The following BMPR1B variants were observed in gnomAD, a reference collection of about 807,000 sequenced individuals.
BMPR1B encodes bone morphogenetic protein receptor type-1B.
In BMPR1B, 12 loss-of-function variants were observed where a neutral mutation model predicts 59.1. That is an observed-to-expected ratio of 0.20 (90% CI 0.13 to 0.33). The LOEUF (loss-of-function observed/expected upper bound fraction) is 0.33. Among genes scored for constraint, BMPR1B ranks in the 10% least tolerant of loss-of-function variants. The pLI is 1.00. For synonymous variants in BMPR1B, 237 were observed against 207.3 expected (o/e 1.14, Z -1.23); for missense variants, 550 against 610.9 (o/e 0.90, Z 1.05).
At chr4:95,056,913 T>C (rs1225368397) in intron 3 of BMPR1B, among the ~76,000 whole-genome samples, 6 of 152,268 alleles carry the variant, frequency 3.9e-5, no homozygotes, top group Non-Finnish European at 1.5e-5. Flanking sequence ...TGCATTTGCA[T>C]AAGTGCCATT....
rs781359356 is a variant in BMPR1B, at chr4:95,148,874, T to C, written c.1203T>C (p.Tyr401=). The change falls in exon 11 of 13, where the codon TAT becomes TAC. Residue 401 remains tyrosine, a synonymous_variant. Coordinates refer to ENST00000515059, the MANE Select transcript of BMPR1B (RefSeq NM_001203.3). ...HFQSYIMADM[Y]SFGLILWEVA... ...AGTCTTACATCATGGCTGACATGTA[T>C]AGTTTTGGCCTCATCCTTTGGGAGG... The C allele has an allele frequency of 4.3e-6, 7 of 1,614,022 alleles. No individual in the cohort carries two copies. In the South Asian group the frequency reaches 5.5e-5, roughly 13 times the overall value.
intron 2 of BMPR1B, among the ~76,000 whole-genome samples, chr4:94,983,862 C>T (rs570229873): frequency 1.6e-4 from 25 of 152,338 alleles, no homozygotes; most frequent in African/African-American, 5.8e-4. Context: ...GTCTCCCTCA[C>T]TAGCTTTTAG....
chr4:94,944,127 A>C lies in BMPR1B; in HGVS notation c.-112-51913A>C, dbSNP rs574296024. ...TATATATGAAACATAAATGAATTTC[A>C]TGTTTAGACTTGGGTCCAACCCCAA... On this transcript the variant is annotated intron_variant, in intron 2 of 12. Coordinates refer to ENST00000515059, the MANE Select transcript of BMPR1B (RefSeq NM_001203.3). Among the ~76,000 whole-genome samples the C allele has an allele frequency of 3.9e-5, 6 of 152,302 alleles. No individual in the cohort carries two copies. The South Asian group carries it at 1.2e-3, about 32-fold the overall frequency.
chr4:94,897,701 G>A (rs1219052954), intron 2 of BMPR1B, among the ~76,000 whole-genome samples: 1 of 151,880 alleles, frequency 6.6e-6, no homozygotes, highest in Non-Finnish European at 1.5e-5. Context: ...TTTGATAGAT[G>A]TATAAGATGT....
intron 1 of BMPR1B, among the ~76,000 whole-genome samples, chr4:94,866,463 G>T (rs567335212): frequency 7.9e-5 from 12 of 152,114 alleles, no homozygotes; most frequent in African/African-American, 2.9e-4. Flanking sequence ...TCCTCCTTTA[G>T]CATCTCTTTT....
chr4:94,820,722 G>T (rs951112646), intron 1 of BMPR1B, among the ~76,000 whole-genome samples: 2 of 152,004 alleles, frequency 1.3e-5, no homozygotes, highest in Admixed American at 1.3e-4. Flanking sequence ...TATATTTTCA[G>T]TTCTTACAGG....
rs747500868 is a variant in BMPR1B at position 95,152,819 on chromosome 4, AC to A, written c.1383+47del. The A allele has an allele frequency of 1.9e-6, 3 of 1,599,900 alleles. No individual in the cohort carries two copies. The African/African-American group carries it at 4.0e-5, about 21-fold the overall frequency. Reference sequence around the variant, plus strand: ...GTGGCTGTGACAGACTTCTAAATAGACTTTTCTTTTTTAGCTAAAATTCCAC... The same window carrying A: ...GTGGCTGTGACAGACTTCTAAATAGATTTTCTTTTTTAGCTAAAATTCCAC... On this transcript the variant is annotated intron_variant, in intron 12 of 12. Transcript: ENST00000515059.
intron 11 of BMPR1B, among the ~76,000 whole-genome samples, chr4:95,152,061 A>G (rs1365016660): frequency 6.6e-6 from 1 of 152,164 alleles, no homozygotes; most frequent in African/African-American, 2.4e-5. Flanking sequence ...GAAAATTTGG[A>G]TAAATATAGG....
At chr4:95,005,910 C>T (rs1041788677) in intron 3 of BMPR1B, among the ~76,000 whole-genome samples, 8 of 152,140 alleles carry the variant, frequency 5.3e-5, no homozygotes, top group African/African-American at 1.9e-4. Flanking sequence ...CACAATTTCC[C>T]TAAAGTCATT....
At chr4:94,827,697 A>G (rs1486381412) in intron 1 of BMPR1B, among the ~76,000 whole-genome samples, 2 of 152,174 alleles carry the variant, frequency 1.3e-5, no homozygotes, top group East Asian at 1.9e-4. Context: ...CTTCCCATGT[A>G]GCAGTATTTG....
At chr4:94,843,366 G>C (rs1725175676) in intron 1 of BMPR1B, among the ~76,000 whole-genome samples, 1 of 152,168 alleles carries the variant, frequency 6.6e-6, no homozygotes, top group African/African-American at 2.4e-5. Flanking sequence ...TTGAGCTCTG[G>C]CATGGGAGCA....
chr4:95,148,714 A>G (rs371289493), intron 10 of BMPR1B, 34 bp from the exon 11 acceptor site: 2 of 1,603,766 alleles, frequency 1.2e-6, no homozygotes, highest in African/African-American at 2.7e-5. Context: ...GGTCCTCTTC[A>G]ATGCTGTAAT....
intron 3 of BMPR1B, among the ~76,000 whole-genome samples, chr4:95,062,248 A>T (rs1727454934): frequency 6.6e-6 from 1 of 152,188 alleles, no homozygotes; most frequent in South Asian, 2.1e-4. Context: ...ACCTCCAAGA[A>T]TAAATGTCAG....
intron 6 of BMPR1B, among the ~76,000 whole-genome samples, chr4:95,123,321 A>G (rs1399195438): frequency 2.0e-5 from 3 of 152,158 alleles, no homozygotes; most frequent in Non-Finnish European, 2.9e-5. Flanking sequence ...TGAGGGGTCC[A>G]CTTCCTTTTT....
At chr4:95,034,390 T>G (rs1725082385) in intron 3 of BMPR1B, among the ~76,000 whole-genome samples, 1 of 152,028 alleles carries the variant, frequency 6.6e-6, no homozygotes, top group Admixed American at 6.6e-5. Context: ...ACCTGAGCAG[T>G]GTACACTGTA....
intron 2 of BMPR1B, among the ~76,000 whole-genome samples, chr4:94,975,357 GTTTTTGT>G (rs1308935502): frequency 5.3e-5 from 5 of 94,220 alleles, no homozygotes; most frequent in Admixed American, 3.6e-4. Flanking sequence ...ATTTCCTTTT[GTTTTTGT>G]TTTTTTTTTT....
At chr4:95,129,549 T>C (rs1733154043) in intron 8 of BMPR1B, among the ~76,000 whole-genome samples, 1 of 152,192 alleles carries the variant, frequency 6.6e-6, no homozygotes, top group African/African-American at 2.4e-5. Flanking sequence ...AACGGGGAAG[T>C]GCAAGTATTC....
At chr4:94,866,790 G>A (rs985312889) in intron 1 of BMPR1B, among the ~76,000 whole-genome samples, 4 of 152,070 alleles carry the variant, frequency 2.6e-5, no homozygotes, top group Admixed American at 1.3e-4. Context: ...CACCATGTTG[G>A]CCAGGATGGT....
intron 3 of BMPR1B, among the ~76,000 whole-genome samples, chr4:94,998,841 G>A (rs73836085): frequency 0.041 from 6,230 of 152,048 alleles, 431 homozygotes; most frequent in African/African-American, 0.14. Context: ...ATCTTCTGCC[G>A]TTCCTTTTGG....
Sources: gnomAD v4.1 joint callset for allele counts (sites outside exome capture counted in the v4.1 genomes callset) on GRCh38, gnomAD v4.1.1 for gene constraint, MANE v1.5 for transcripts, NCBI Gene and HGNC (gene_info 2026-07-23, HGNC 2026-07-21) for gene names.